TMEM255A: variants seen among roughly 807,000 people sequenced by gnomAD.
The protein encoded by TMEM255A is family with sequence similarity 70, member A.
Under a neutral mutation model 23.5 loss-of-function variants are expected in TMEM255A, and 14 were observed. The ratio of observed to expected loss-of-function variants is 0.60; its 90% confidence interval spans 0.39 to 0.93. The LOEUF (loss-of-function observed/expected upper bound fraction) is 0.93. Among genes scored for constraint, TMEM255A ranks in the 40% least tolerant of loss-of-function variants. TMEM255A has a pLI of 0.00. For synonymous variants in TMEM255A, 104 were observed against 100.3 expected (o/e 1.04, Z -0.22); for missense variants, 233 against 261.7 (o/e 0.89, Z 0.76).
chrX:120,261,453 G>A (rs781908246), intron 8 of TMEM255A, among the ~76,000 whole-genome samples: 125 of 112,458 alleles, frequency 1.1e-3, no homozygotes, highest in Non-Finnish European at 1.7e-3. Flanking sequence ...TGATCCCTGG[G>A]AAAGTCTTTG....
At chrX:120,273,628 A>T (rs1178968229) in intron 7 of TMEM255A, 1 of 115,889 alleles carries the variant, frequency 8.6e-6, no homozygotes, top group Non-Finnish European at 1.8e-5. Flanking sequence ...TTCTCCAAAG[A>T]AGATATACAT....
intron 6 of TMEM255A, 37 bp from the exon 7 acceptor site, chrX:120,277,084 G>A: frequency 8.6e-7 from 1 of 1,164,036 alleles, no homozygotes. Context: ...CAGTCCCCAG[G>A]GAGCAGGCTG....
intron 2 of TMEM255A, 126 bp downstream of exon 2, chrX:120,304,223 A>G: frequency 1.4e-6 from 1 of 733,071 alleles, no homozygotes; most frequent in African/African-American, 2.1e-5. Flanking sequence ...ATAAATATAC[A>G]GAGATACAAA....
intron 1 of TMEM255A, among the ~76,000 whole-genome samples, chrX:120,309,081 A>T (rs1234029218): frequency 8.9e-6 from 1 of 112,373 alleles, no homozygotes; most frequent in South Asian, 3.7e-4. Context: ...AGTAGCTCCT[A>T]AGTAGCCTAG....
rs368759892 is a variant in TMEM255A at position 120,291,559 on chromosome X, A to G, written c.265-219T>C. On this transcript the variant is annotated intron_variant, in intron 3 of 8. Coordinates refer to ENST00000371369, the MANE Select transcript of TMEM255A (RefSeq NM_001104544.3). The stretch of plus-strand genomic sequence containing the variant: ...ATTTTTACATTTTCAGGGAAAGCTA[A>G]GAAATTCACTCTGTGAGCACCAAAT... 2.0e-4 allele frequency among the ~76,000 whole-genome samples: 21 copies of G among 104,296 alleles called. No homozygotes were observed. In the East Asian group the frequency reaches 6.2e-3, roughly 31 times the overall value. 90.6% of individuals were successfully genotyped at this position (104,296 alleles called of 115,157 possible). A position where few individuals can be genotyped will look rare whatever the true frequency, so the allele number is the denominator to read the frequency against.
At chrX:120,296,692 ATT>A (rs2057962009) in intron 2 of TMEM255A, among the ~76,000 whole-genome samples, 1 of 60,435 alleles carries the variant, frequency 1.7e-5, no homozygotes, top group Non-Finnish European at 2.8e-5. Context: ...TAATATATAT[ATT>A]AAATATATTT....
At chrX:120,253,370 TTC>T in the TMEM255A span, 2 of 1,089,433 alleles carry the variant, frequency 1.8e-6, no homozygotes, top group East Asian at 3.0e-5. Context: ...CTTTTGTTTT[TTC>T]TCTCTAATCC....
intron 2 of TMEM255A, among the ~76,000 whole-genome samples, chrX:120,297,178 A>G (rs1336974871): frequency 1.6e-5 from 1 of 64,254 alleles, no homozygotes; most frequent in African/African-American, 5.8e-5. Flanking sequence ...TATATATAAT[A>G]TAATATATTC....
the TMEM255A span, chrX:120,253,453 A>C: frequency 1.7e-6 from 2 of 1,211,682 alleles, no homozygotes; most frequent in Non-Finnish European, 2.2e-6. Context: ...ACAGACATTC[A>C]GTACTCTGGC....
chrX:120,273,353 A>G (rs181125201), intron 7 of TMEM255A: 14 of 333,990 alleles, frequency 4.2e-5, no homozygotes, highest in Non-Finnish European at 6.8e-5. Context: ...TGATGTTTTC[A>G]TTAGCCATTC....
chrX:120,266,349 C>G (rs1402232099), intron 8 of TMEM255A, among the ~76,000 whole-genome samples: 1 of 109,640 alleles, frequency 9.1e-6, no homozygotes, highest in Non-Finnish European at 1.9e-5. Flanking sequence ...CCCCAAGTCC[C>G]TAGACTAACG....
intron 6 of TMEM255A, among the ~76,000 whole-genome samples, chrX:120,279,134 A>G (rs1280101250): frequency 4.5e-5 from 5 of 111,682 alleles, no homozygotes; most frequent in Admixed American, 9.5e-5. Flanking sequence ...CCGTAGTGGA[A>G]TTTTTTAAAA....
chrX:120,271,878 A>T (rs968994227), intron 7 of TMEM255A, among the ~76,000 whole-genome samples: 13 of 112,266 alleles, frequency 1.2e-4, no homozygotes, highest in African/African-American at 4.2e-4. Context: ...CTTCATCAAA[A>T]TTAAAAACTT....
At chrX:120,307,424 T>C (rs1238986216) in intron 1 of TMEM255A, among the ~76,000 whole-genome samples, 7 of 112,176 alleles carry the variant, frequency 6.2e-5, no homozygotes, top group African/African-American at 2.3e-4. Flanking sequence ...TGATTTTGTT[T>C]AGTAAAGTGA....
chrX:120,291,140 C>T (rs1432517719), intron 4 of TMEM255A, 111 bp downstream of exon 4: 2 of 620,746 alleles, frequency 3.2e-6, no homozygotes, highest in South Asian at 2.7e-5. Flanking sequence ...TGTCTTCTCC[C>T]TCTCATGTAA....
rs1260534610 is a variant in TMEM255A, at chrX:120,277,188, T to A, written c.513-141A>T. 8.7e-6 allele frequency: 4 copies of A among 457,233 alleles called. No individual in the cohort carries two copies. In the African/African-American group the frequency reaches 9.8e-5, roughly 11 times the overall value. The allele number at this position is 457,233 out of a possible 1,213,427, so 37.7% of individuals were successfully genotyped here. ...AGGTGGGGAGCTACAGTAAGAGACATCATAGCCATGTACTATAATAAATCA... is the reference window on the plus strand; with the variant it reads ...AGGTGGGGAGCTACAGTAAGAGACAACATAGCCATGTACTATAATAAATCA... On this transcript the variant is annotated intron_variant, in intron 6 of 8. Transcript: ENST00000371369.
chrX:120,290,844 T>C (rs781854592), intron 4 of TMEM255A, among the ~76,000 whole-genome samples: 11 of 111,774 alleles, frequency 9.8e-5, no homozygotes, highest in Non-Finnish European at 1.9e-4. Context: ...GGTGACGGCA[T>C]TGACCATAAG....
chrX:120,277,659 C>T (rs2057808467), intron 6 of TMEM255A, among the ~76,000 whole-genome samples: 2 of 112,216 alleles, frequency 1.8e-5, no homozygotes, highest in Non-Finnish European at 3.8e-5. Flanking sequence ...AAAGAACTTG[C>T]CCAAGTCGTA....
chrX:120,275,784 A>ATTTTTTTTTTTTTTTTTTTT (rs11342181), intron 7 of TMEM255A, among the ~76,000 whole-genome samples: 5 of 60,250 alleles, frequency 8.3e-5, no homozygotes, highest in African/African-American at 3.5e-4. Context: ...GAGCCCAAGC[A>ATTTTTTTTTTTTTTTTTTTT]TTTTTTTTTT....
Sources: gnomAD v4.1 joint callset for allele counts (sites outside exome capture counted in the v4.1 genomes callset) on GRCh38, gnomAD v4.1.1 for gene constraint, MANE v1.5 for transcripts, NCBI Gene and HGNC (gene_info 2026-07-23, HGNC 2026-07-21) for gene names.